The following RAB7A variants were observed in gnomAD, a reference collection of about 807,000 sequenced individuals.
RAB7A encodes RAB7A, member RAS oncogene family, also known as ras-related protein Rab-7a.
RAB7A carries 2 observed loss-of-function variants against 24.5 expected under a neutral mutation model. That is an observed-to-expected ratio of 0.08 (90% confidence interval 0.03 to 0.26). The LOEUF (loss-of-function observed/expected upper bound fraction) is 0.26. Ranked by LOEUF, RAB7A falls within the 10% of genes least tolerant of loss-of-function variation. The pLI is 1.00. For synonymous variants in RAB7A, 100 were observed against 95.9 expected (o/e 1.04, Z -0.25); for missense variants, 118 against 255.7 (o/e 0.46, Z 3.67).
chr3:128,739,853 T>C (rs2070531955), intron 1 of RAB7A, among the ~76,000 whole-genome samples: 1 of 152,034 alleles, frequency 6.6e-6, no homozygotes, highest in Non-Finnish European at 1.5e-5. Context: ...GTGGATCACT[T>C]GAGGTCAGTT....
At chr3:128,751,320 T>C (rs1385559405) in intron 1 of RAB7A, among the ~76,000 whole-genome samples, 1 of 152,092 alleles carries the variant, frequency 6.6e-6, no homozygotes, top group Non-Finnish European at 1.5e-5. Context: ...AACACCAGCC[T>C]GTGAAAGCAG....
chr3:128,763,515 C>A (rs1207630238), intron 1 of RAB7A, among the ~76,000 whole-genome samples: 8 of 152,090 alleles, frequency 5.3e-5, no homozygotes, highest in Non-Finnish European at 1.2e-4. Context: ...CCAAGCCCGG[C>A]CTAGCTTATA....
At chr3:128,727,220 G>T (rs750242300) in intron 1 of RAB7A, among the ~76,000 whole-genome samples, 8 of 152,212 alleles carry the variant, frequency 5.3e-5, no homozygotes, top group Non-Finnish European at 1.2e-4. Flanking sequence ...ACCCTCTGAA[G>T]TACCACTGTT....
intron 1 of RAB7A, among the ~76,000 whole-genome samples, chr3:128,768,960 CTTTCTTTCCTTTTTTT>C (rs1431681781): frequency 9.3e-6 from 1 of 107,388 alleles, no homozygotes; most frequent in African/African-American, 3.7e-5. Context: ...TTTTTTCTTT[CTTTCTTTCCTTTTTTT>C]TTTTTTTTTT....
At chr3:128,784,980 C>G (rs560721073) in intron 1 of RAB7A, among the ~76,000 whole-genome samples, 1 of 146,490 alleles carries the variant, frequency 6.8e-6, no homozygotes, top group South Asian at 2.1e-4. Context: ...CAGTCTCGCT[C>G]TGTCGCCCAG....
In RAB7A at chr3:128,797,885, G is replaced by T. The variant is rs1229973482; in HGVS notation, c.54-58G>T. 7 of 1,586,180 alleles carry T rather than the reference G, an allele frequency of 4.4e-6. No individual in the cohort carries two copies. The African/African-American group carries it at 8.1e-5, about 18-fold the overall frequency. ...TTCTTTTAAATGCTTCAAGTAATTCGTGTCAGTTTCAGGACCCTCCTATTT... is the reference window on the plus strand; with the variant it reads ...TTCTTTTAAATGCTTCAAGTAATTCTTGTCAGTTTCAGGACCCTCCTATTT... On this transcript the variant is annotated intron_variant, in intron 2 of 5. Transcript: ENST00000265062.
At chr3:128,731,733 G>A (rs1325654847) in intron 1 of RAB7A, among the ~76,000 whole-genome samples, 1 of 152,036 alleles carries the variant, frequency 6.6e-6, no homozygotes, top group Non-Finnish European at 1.5e-5. Context: ...TTCGGCCGGG[G>A]GCGATGGCTC....
At chr3:128,768,965 T>C (rs1576286152) in intron 1 of RAB7A, among the ~76,000 whole-genome samples, 1 of 135,444 alleles carries the variant, frequency 7.4e-6, no homozygotes, top group South Asian at 2.4e-4. Flanking sequence ...TCTTTCTTTC[T>C]TTCCTTTTTT....
At chr3:128,783,600 G>A (rs1359503621) in intron 1 of RAB7A, among the ~76,000 whole-genome samples, 1 of 152,112 alleles carries the variant, frequency 6.6e-6, no homozygotes, top group Non-Finnish European at 1.5e-5. Context: ...TGCCCGCTCA[G>A]GCCTCTAGCC....
At chr3:128,780,563 G>A (rs1021650342) in intron 1 of RAB7A, among the ~76,000 whole-genome samples, 4 of 152,184 alleles carry the variant, frequency 2.6e-5, no homozygotes, top group Admixed American at 2.6e-4. Context: ...GTCATCCCCA[G>A]CACCTAGCTC....
intron 1 of RAB7A, among the ~76,000 whole-genome samples, chr3:128,786,108 G>A (rs1336368355): frequency 2.0e-5 from 3 of 152,156 alleles, no homozygotes; most frequent in Admixed American, 6.5e-5. Context: ...CTCCTGATGA[G>A]CTTCTTTTTC....
chr3:128,811,150 A>G (rs369650121), intron 5 of RAB7A, among the ~76,000 whole-genome samples: 3 of 151,390 alleles, frequency 2.0e-5, no homozygotes, highest in African/African-American at 7.3e-5. Flanking sequence ...TTTTAGAGAC[A>G]GGGTCTTGCT....
intron 1 of RAB7A, among the ~76,000 whole-genome samples, chr3:128,786,949 A>T (rs946591222): frequency 6.6e-6 from 1 of 152,228 alleles, no homozygotes; most frequent in African/African-American, 2.4e-5. Context: ...ACATGGGAAG[A>T]TATTTAATAT....
At chr3:128,772,504 C>G (rs191505606) in intron 1 of RAB7A, among the ~76,000 whole-genome samples, 7 of 152,064 alleles carry the variant, frequency 4.6e-5, no homozygotes, top group Non-Finnish European at 1.0e-4. Context: ...CCTAACATGT[C>G]CTAATAGTTA....
At chr3:128,798,117 A>G (rs767123043) in intron 3 of RAB7A, 48 bp downstream of exon 3, 29 of 1,602,814 alleles carry the variant, frequency 1.8e-5, no homozygotes, top group Non-Finnish European at 2.4e-5. Context: ...TAGTTCATTT[A>G]GTCTTAATCT....
At chr3:128,803,085 C>T (rs1054098622) in intron 3 of RAB7A, among the ~76,000 whole-genome samples, 1 of 152,210 alleles carries the variant, frequency 6.6e-6, no homozygotes, top group Non-Finnish European at 1.5e-5. Context: ...CCTGGGATTA[C>T]AGGCATGAGC....
chr3:128,746,738 C>A (rs1196592688), intron 1 of RAB7A, among the ~76,000 whole-genome samples: 1 of 151,664 alleles, frequency 6.6e-6, no homozygotes, highest in East Asian at 1.9e-4. Context: ...ACCATGTTAG[C>A]CAGGGTGGTC....
chr3:128,806,657 G>A, intron 4 of RAB7A, 67 bp downstream of exon 4: 1 of 1,456,878 alleles, frequency 6.9e-7, no homozygotes, highest in Non-Finnish European at 9.6e-7. Context: ...GAATTTGGAG[G>A]GTTCTCTGCT....
At chr3:128,749,720 T>A (rs1182903031) in intron 1 of RAB7A, among the ~76,000 whole-genome samples, 1 of 152,212 alleles carries the variant, frequency 6.6e-6, no homozygotes, top group Admixed American at 6.5e-5. Context: ...AGCGCTCCTC[T>A]CTTTGCCTGC....
Sources: allele counts gnomAD v4.1 joint callset (sites outside exome capture counted in the v4.1 genomes callset), GRCh38; gene constraint gnomAD v4.1.1; transcripts MANE v1.5; gene names NCBI Gene and HGNC (gene_info 2026-07-23, HGNC 2026-07-21).